SMOC2: variants seen among roughly 807,000 people sequenced by gnomAD.
SMOC2 encodes SPARC related modular calcium binding 2.
In SMOC2, 39 loss-of-function variants were observed where a neutral mutation model predicts 61.4. That is an observed-to-expected ratio of 0.64 (90% CI 0.49 to 0.83). The LOEUF is 0.83. SMOC2 is among the 40% of genes least tolerant of loss of function. The probability of loss-of-function intolerance (pLI) is 0.00; values close to 1 mark genes in which losing one functional copy is unlikely to be tolerated. For synonymous variants in SMOC2, 247 were observed against 239.9 expected (o/e 1.03, Z -0.27); for missense variants, 556 against 592.9 (o/e 0.94, Z 0.65).
At chr6:168,620,404 C>T (rs1786213921) in intron 9 of SMOC2, among the ~76,000 whole-genome samples, 1 of 152,064 alleles carries the variant, frequency 6.6e-6, no homozygotes, top group African/African-American at 2.4e-5. Context: ...CAATAGAGAT[C>T]CAGCTCCCGT....
At chr6:168,554,258 A>G (rs888967622) in intron 7 of SMOC2, among the ~76,000 whole-genome samples, 1 of 152,252 alleles carries the variant, frequency 6.6e-6, no homozygotes, top group Non-Finnish European at 1.5e-5. Flanking sequence ...AAGCCCCATC[A>G]TGTGATACTT....
At chr6:168,557,889 C>CA (rs1171849431) in intron 7 of SMOC2, among the ~76,000 whole-genome samples, 7 of 152,232 alleles carry the variant, frequency 4.6e-5, no homozygotes, top group African/African-American at 1.7e-4. Context: ...GTTCATTTTT[C>CA]AAAATCTCTT....
At chr6:168,570,709 T>G (rs529569003) in intron 7 of SMOC2, among the ~76,000 whole-genome samples, 1 of 152,300 alleles carries the variant, frequency 6.6e-6, no homozygotes, top group South Asian at 2.1e-4. Flanking sequence ...GCAAAGAATT[T>G]AAAGAGAAAA....
At chr6:168,650,867 G>T in intron 10 of SMOC2, 84 bp downstream of exon 10, 1 of 1,261,642 alleles carries the variant, frequency 7.9e-7, no homozygotes, top group Non-Finnish European at 1.1e-6. Flanking sequence ...TTACATATTG[G>T]CAACCTTCTC....
chr6:168,656,083 C>G (rs978232844), intron 11 of SMOC2, among the ~76,000 whole-genome samples: 2 of 152,224 alleles, frequency 1.3e-5, no homozygotes, highest in African/African-American at 4.8e-5. Flanking sequence ...GTAATACTTG[C>G]TGGGTAGGGC....
At chr6:168,620,206 G>A (rs926248020) in intron 9 of SMOC2, among the ~76,000 whole-genome samples, 8 of 152,138 alleles carry the variant, frequency 5.3e-5, no homozygotes, top group Admixed American at 2.6e-4. Context: ...ACTTGGAAGC[G>A]CTTATCTTCC....
At chr6:168,551,394 G>A (rs1046004776) in intron 7 of SMOC2, among the ~76,000 whole-genome samples, 4 of 151,904 alleles carry the variant, frequency 2.6e-5, no homozygotes, top group Admixed American at 1.3e-4. Context: ...TGACATTCTT[G>A]TAAATGATTT....
At chr6:168,443,380 CTT>C (rs932233555) in intron 1 of SMOC2, among the ~76,000 whole-genome samples, 44 of 152,342 alleles carry the variant, frequency 2.9e-4, no homozygotes, top group African/African-American at 9.4e-4. Flanking sequence ...CCAAGGATGT[CTT>C]GGGTTGCGGT....
chr6:168,474,824 CT>C (rs903113710), intron 1 of SMOC2, among the ~76,000 whole-genome samples: 1 of 152,090 alleles, frequency 6.6e-6, no homozygotes, highest in Non-Finnish European at 1.5e-5. Context: ...CGTCCTTAAC[CT>C]TTTGAGGCAT....
intron 1 of SMOC2, among the ~76,000 whole-genome samples, chr6:168,455,951 C>T (rs940777685): frequency 1.3e-5 from 2 of 152,146 alleles, no homozygotes; most frequent in African/African-American, 2.4e-5. Flanking sequence ...CCTCACTTCC[C>T]GATTTCCCGG....
rs1784174345 is a variant in SMOC2 at position 168,553,370 on chromosome 6, A to AGTT, written c.637+4168_637+4170dup. On this transcript the variant is annotated intron_variant, in intron 7 of 12. Transcript: ENST00000356284. The surrounding 1 kb of genome is among the most constrained non-coding windows in gnomAD (Gnocchi z 4.2). ...TCTTTTCATAGAAGATACATAAACT[A>AGTT]GTTACAAGATTTTATCAGATAAGAC... 6.6e-6 allele frequency among the ~76,000 whole-genome samples: 1 copy of AGTT among 152,352 alleles called. No individual in the cohort carries two copies. Among genetic ancestry groups the AGTT allele is most frequent in the East Asian group, 1.9e-4 (1 of 5,178 alleles).
At position 168,554,001 on chromosome 6, in the gene SMOC2, G is replaced by A. The variant is rs192762026; in HGVS notation, c.637+4798G>A. ...TGGTAGGAAGATTATTCCATGGGACGAGTCGGTTAAAACTCGCGTTTGAAC... is the reference window on the plus strand; with the variant it reads ...TGGTAGGAAGATTATTCCATGGGACAAGTCGGTTAAAACTCGCGTTTGAAC... On this transcript the variant is annotated intron_variant, in intron 7 of 12. Coordinates refer to ENST00000356284, the MANE Select transcript of SMOC2 (RefSeq NM_001166412.2). Among the ~76,000 whole-genome samples, 142 of 150,056 alleles carry A rather than the reference G, an allele frequency of 9.5e-4. 3 individuals are homozygous for A. The highest frequency in any genetic ancestry group is 3.2e-3 in the African/African-American group (128 of 39,856).
At chr6:168,648,809 G>A (rs188510528) in intron 9 of SMOC2, among the ~76,000 whole-genome samples, 12 of 152,260 alleles carry the variant, frequency 7.9e-5, no homozygotes, top group African/African-American at 2.2e-4. Context: ...TCTTGCTATC[G>A]GCAGCTCACG....
chr6:168,657,351 G>T (rs1362183950), intron 11 of SMOC2, among the ~76,000 whole-genome samples: 2 of 152,262 alleles, frequency 1.3e-5, no homozygotes, highest in Non-Finnish European at 2.9e-5. Flanking sequence ...AGCAAGGGCA[G>T]TGCTGTTGGA....
chr6:168,534,958 T>G (rs1201665354), intron 4 of SMOC2, among the ~76,000 whole-genome samples: 5 of 152,016 alleles, frequency 3.3e-5, no homozygotes, highest in African/African-American at 1.2e-4. Context: ...TTCTAGAGAT[T>G]TTATTTTTAT....
intron 2 of SMOC2, among the ~76,000 whole-genome samples, chr6:168,517,976 G>A (rs1034099926): frequency 2.0e-5 from 3 of 152,346 alleles, no homozygotes; most frequent in East Asian, 3.9e-4. Context: ...ACGAGGAGCC[G>A]GTTCAGAGAA....
rs534470726 is a variant in SMOC2 at position 168,475,872 on chromosome 6, G to A, written c.85-34043G>A. 8.5e-5 allele frequency among the ~76,000 whole-genome samples: 13 copies of A among 152,170 alleles called. No homozygotes were observed. The South Asian group carries it at 1.2e-3, about 15-fold the overall frequency. ...GGAATGGGGTCAGGGTTCTCCAGGC[G>A]TGGGCTTCACGGGGGTCTGTGTCGT... is the stretch of plus-strand genomic sequence containing the variant. On this transcript the variant is annotated intron_variant, in intron 1 of 12. Coordinates refer to ENST00000356284, the MANE Select transcript of SMOC2 (RefSeq NM_001166412.2). The surrounding 1 kb of genome is among the most constrained non-coding windows in gnomAD (Gnocchi z 4.6).
At chr6:168,446,954 C>G (rs975514241) in intron 1 of SMOC2, among the ~76,000 whole-genome samples, 1 of 152,096 alleles carries the variant, frequency 6.6e-6, no homozygotes, top group African/African-American at 2.4e-5. Flanking sequence ...GTGGCATATC[C>G]ACCAATTAAA....
intron 4 of SMOC2, among the ~76,000 whole-genome samples, chr6:168,537,038 C>T (rs968599349): frequency 2.6e-5 from 4 of 152,254 alleles, no homozygotes. Flanking sequence ...GGGAGACAAG[C>T]CCGTGGTCAC....
Sources: allele counts gnomAD v4.1 joint callset (sites outside exome capture counted in the v4.1 genomes callset), GRCh38; gene constraint gnomAD v4.1.1; non-coding constraint Gnocchi (gnomAD v3.1); transcripts MANE v1.5; gene names NCBI Gene and HGNC (gene_info 2026-07-23, HGNC 2026-07-21).